Variants in DACH1 observed in about 807,000 individuals in gnomAD.
DACH1 encodes dachshund family transcription factor 1.
In DACH1, 12 loss-of-function variants were observed where a neutral mutation model predicts 54.2. The observed-to-expected ratio is 0.22, with a 90% CI of 0.14 to 0.36. DACH1 has a LOEUF of 0.36. DACH1 is among the 10% of genes least tolerant of loss of function. The probability of loss-of-function intolerance (pLI) is 1.00; values close to 1 mark genes in which losing one functional copy is unlikely to be tolerated. For missense variants in DACH1, 805 were observed against 929.8 expected, an observed-to-expected ratio of 0.87 and a Z score of 1.75; for synonymous variants, 386 against 366.2, an observed-to-expected ratio of 1.05 and a Z score of -0.62.
intron 3 of DACH1, among the ~76,000 whole-genome samples, chr13:71,626,654 A>C (rs1249787912): frequency 6.6e-6 from 1 of 152,062 alleles, no homozygotes; most frequent in Non-Finnish European, 1.5e-5. Flanking sequence ...GATATAAACA[A>C]GAGATTGCAA....
intron 1 of DACH1, among the ~76,000 whole-genome samples, chr13:71,792,361 CA>C (rs1886867749): frequency 1.3e-5 from 2 of 151,966 alleles, no homozygotes; most frequent in South Asian, 2.1e-4. Flanking sequence ...CACACACACA[CA>C]CACACACACC....
intron 2 of DACH1, among the ~76,000 whole-genome samples, chr13:71,659,070 G>T (rs1879325565): frequency 6.6e-6 from 1 of 152,072 alleles, no homozygotes; most frequent in Non-Finnish European, 1.5e-5. Flanking sequence ...AACCATACTA[G>T]AAGTCACTAC....
chr13:71,701,918 G>T (rs1329767261), intron 1 of DACH1, among the ~76,000 whole-genome samples: 1 of 152,052 alleles, frequency 6.6e-6, no homozygotes, highest in Admixed American at 6.6e-5. Flanking sequence ...CTAAAACAAA[G>T]TTTTCCATTT....
At chr13:71,534,096 G>T (rs1882597126) in intron 6 of DACH1, among the ~76,000 whole-genome samples, 1 of 152,002 alleles carries the variant, frequency 6.6e-6, no homozygotes, top group African/African-American at 2.4e-5. Context: ...ACTATCAGTA[G>T]ACCAGCATTT....
chr13:71,607,260 C>T (rs892211323), intron 3 of DACH1, among the ~76,000 whole-genome samples: 4 of 151,840 alleles, frequency 2.6e-5, no homozygotes, highest in East Asian at 1.9e-4. Flanking sequence ...TTAATCCTTA[C>T]GTTGCATTTC....
rs76954971 is a variant in DACH1 at position 71,805,195 on chromosome 13, T to A, written c.848+60727A>T. ...AAAGAGTCAATAACCTTACAAAGGT[T>A]TATACATTTGTATACAATTATCATC... On this transcript the variant is annotated intron_variant, in intron 1 of 10. Coordinates refer to ENST00000613252, the MANE Select transcript of DACH1 (RefSeq NM_080759.6). Among the ~76,000 whole-genome samples the A allele has an allele frequency of 6.8e-3, 1,036 of 152,246 alleles. 10 individuals carry two copies. Among genetic ancestry groups the A allele is most frequent in the African/African-American group, 0.022 (904 of 41,552 alleles).
intron 6 of DACH1, among the ~76,000 whole-genome samples, chr13:71,543,660 T>C (rs1375739453): frequency 6.6e-6 from 1 of 152,116 alleles, no homozygotes; most frequent in Non-Finnish European, 1.5e-5. Context: ...AAACTCCCCA[T>C]CTGCCTTGAT....
intron 1 of DACH1, among the ~76,000 whole-genome samples, chr13:71,801,256 T>C (rs1336651967): frequency 1.3e-5 from 2 of 152,154 alleles, no homozygotes; most frequent in Non-Finnish European, 2.9e-5. Context: ...TATGATGGTA[T>C]ATTCAAGCTC....
intron 1 of DACH1, among the ~76,000 whole-genome samples, chr13:71,728,741 T>C (rs1470121543): frequency 6.6e-6 from 1 of 152,040 alleles, no homozygotes; most frequent in Non-Finnish European, 1.5e-5. Flanking sequence ...CTACTGAGTG[T>C]ATTGTCTGTC....
At chr13:71,709,498 C>G (rs975485122) in intron 1 of DACH1, among the ~76,000 whole-genome samples, 2 of 151,440 alleles carry the variant, frequency 1.3e-5, no homozygotes, top group East Asian at 3.9e-4. Flanking sequence ...TGTATACCCA[C>G]TCTTTAGTCA....
chr13:71,682,740 G>A (rs1381248208), intron 1 of DACH1, among the ~76,000 whole-genome samples: 1 of 152,188 alleles, frequency 6.6e-6, no homozygotes, highest in East Asian at 1.9e-4. Context: ...AAAATACCTT[G>A]TGTTTTAGCA....
chr13:71,622,544 G>A (rs1876323691), intron 3 of DACH1, among the ~76,000 whole-genome samples: 1 of 151,766 alleles, frequency 6.6e-6, no homozygotes. Flanking sequence ...AATATGACCT[G>A]GGGTTATTTT....
chr13:71,861,877 C>T (rs910081312), intron 1 of DACH1, among the ~76,000 whole-genome samples: 6 of 120,546 alleles, frequency 5.0e-5, no homozygotes, highest in African/African-American at 1.6e-4. Context: ...TAGACTGGTT[C>T]GGTTTGCCAT....
At chr13:71,480,774 T>G (rs181126200) in intron 7 of DACH1, among the ~76,000 whole-genome samples, 1 of 152,186 alleles carries the variant, frequency 6.6e-6, no homozygotes, top group African/African-American at 2.4e-5. Flanking sequence ...AATAGACAGA[T>G]AGTTTTACTT....
chr13:71,515,936 C>A (rs566337850), intron 6 of DACH1, among the ~76,000 whole-genome samples: 5 of 151,828 alleles, frequency 3.3e-5, no homozygotes, highest in Non-Finnish European at 5.9e-5. Flanking sequence ...AGATAACAAC[C>A]ACTATTTCTC....
intron 3 of DACH1, among the ~76,000 whole-genome samples, chr13:71,576,670 T>C (rs142368969): frequency 9.6e-4 from 146 of 152,272 alleles, no homozygotes; most frequent in Middle Eastern, 3.4e-3. Flanking sequence ...TTTCCTCTAA[T>C]TACTGCCTTC....
At chr13:71,753,047 A>G (rs1884993484) in intron 1 of DACH1, among the ~76,000 whole-genome samples, 1 of 152,186 alleles carries the variant, frequency 6.6e-6, no homozygotes, top group Admixed American at 6.5e-5. Flanking sequence ...ACCTATTAAT[A>G]CCACTATGCA....
intron 3 of DACH1, among the ~76,000 whole-genome samples, chr13:71,609,424 C>G (rs889967671): frequency 2.6e-5 from 4 of 152,118 alleles, no homozygotes; most frequent in South Asian, 4.1e-4. Flanking sequence ...ATACTATAAA[C>G]AGGAAACCAT....
intron 1 of DACH1, among the ~76,000 whole-genome samples, chr13:71,858,741 T>C (rs1229318909): frequency 6.6e-6 from 1 of 151,772 alleles, no homozygotes; most frequent in Admixed American, 6.6e-5. Context: ...ATGTAAGTGA[T>C]ATCATGCAGT....
Sources: gnomAD v4.1 joint callset for allele counts (sites outside exome capture counted in the v4.1 genomes callset) on GRCh38, gnomAD v4.1.1 for gene constraint, MANE v1.5 for transcripts, NCBI Gene and HGNC (gene_info 2026-07-23, HGNC 2026-07-21) for gene names.